The following CEP112 variants were observed in gnomAD, a reference collection of about 807,000 sequenced individuals.
CEP112 encodes centrosomal protein of 112 kDa.
In CEP112, 127 loss-of-function variants were observed where a neutral mutation model predicts 153.0. That is an observed-to-expected ratio of 0.83 (90% CI 0.72 to 0.96). The LOEUF (loss-of-function observed/expected upper bound fraction) is 0.96, where lower values mean the gene tolerates loss of function less well. Ranked by LOEUF, CEP112 falls within the 40% of genes least tolerant of loss-of-function variation. CEP112 has a pLI of 0.00. For synonymous variants in CEP112, 358 were observed against 374.4 expected (o/e 0.96, Z 0.51); for missense variants, 1,089 against 1,101.2 (o/e 0.99, Z 0.16).
intron 12 of CEP112, among the ~76,000 whole-genome samples, chr17:66,048,169 T>A (rs576865173): frequency 2.0e-5 from 3 of 152,010 alleles, no homozygotes; most frequent in Non-Finnish European, 4.4e-5. Context: ...AACCGATAGA[T>A]CCAGACAGCT....
chr17:66,026,277 C>G (rs1380335160), intron 16 of CEP112, among the ~76,000 whole-genome samples: 1 of 152,050 alleles, frequency 6.6e-6, no homozygotes, highest in East Asian at 1.9e-4. Flanking sequence ...TACATTCACA[C>G]AAAAATTTTA....
At chr17:65,965,138 A>G (rs1385876348) in intron 17 of CEP112, among the ~76,000 whole-genome samples, 1 of 152,176 alleles carries the variant, frequency 6.6e-6, no homozygotes, top group Non-Finnish European at 1.5e-5. Context: ...TCCCTATAAC[A>G]TGTCATTCTT....
chr17:65,643,305 T>A (rs1299025215), intron 24 of CEP112, among the ~76,000 whole-genome samples: 1 of 152,072 alleles, frequency 6.6e-6, no homozygotes, highest in Non-Finnish European at 1.5e-5. Flanking sequence ...CTGGTATTTT[T>A]TTTTTCTTTT....
chr17:65,756,719 G>A (rs188400214), intron 21 of CEP112, among the ~76,000 whole-genome samples: 66 of 152,252 alleles, frequency 4.3e-4, no homozygotes, highest in African/African-American at 1.3e-3. Context: ...CCCAAGAAGC[G>A]GGTGAATAGA....
chr17:65,875,237 A>G (rs2058786141), intron 20 of CEP112, among the ~76,000 whole-genome samples: 1 of 152,142 alleles, frequency 6.6e-6, no homozygotes, highest in South Asian at 2.1e-4. Flanking sequence ...ACATATCAGG[A>G]AAGTTGACAC....
intron 17 of CEP112, among the ~76,000 whole-genome samples, chr17:65,965,742 A>G (rs7220173): frequency 0.48 from 72,827 of 151,644 alleles, 18,480 homozygotes; most frequent in East Asian, 0.89. Context: ...GGCTGGTCTC[A>G]AACTCCTGGA....
chr17:65,858,951 A>T (rs761042579), intron 20 of CEP112, among the ~76,000 whole-genome samples: 37 of 152,230 alleles, frequency 2.4e-4, no homozygotes, highest in Non-Finnish European at 5.0e-4. Flanking sequence ...CACCCAAAAT[A>T]GTACCAATGT....
chr17:66,058,537 T>C (rs2066797024), intron 11 of CEP112, among the ~76,000 whole-genome samples: 2 of 151,992 alleles, frequency 1.3e-5, no homozygotes, highest in Non-Finnish European at 1.5e-5. Context: ...AGAGCCTGAA[T>C]AGTTAAAGCA....
At chr17:66,154,136 G>A (rs1398180492) in intron 4 of CEP112, among the ~76,000 whole-genome samples, 3 of 151,942 alleles carry the variant, frequency 2.0e-5, no homozygotes, top group South Asian at 2.1e-4. Flanking sequence ...CCAAGATCAC[G>A]CCACTGCACT....
chr17:65,884,229 G>A lies in CEP112; in HGVS notation c.2163+17923C>T, dbSNP rs114688034. Among the ~76,000 whole-genome samples, 290 of 152,320 alleles carry A rather than the reference G, an allele frequency of 1.9e-3. 3 individuals are homozygous for A. Among genetic ancestry groups the A allele is most frequent in the South Asian group, 8.3e-3 (40 of 4,828 alleles). ...GCTAGTGGAGAAAACAGAAACTAAC[G>A]TGGAGAAGTAGAAGTGGAAGAAGCA... On this transcript the variant is annotated intron_variant, in intron 20 of 26. Coordinates refer to ENST00000535342, the MANE Select transcript of CEP112 (RefSeq NM_001199165.4).
At chr17:66,064,274 T>G (rs2067032363) in intron 10 of CEP112, among the ~76,000 whole-genome samples, 1 of 152,190 alleles carries the variant, frequency 6.6e-6, no homozygotes, top group African/African-American at 2.4e-5. Context: ...AAGGAACCCC[T>G]CCTTTCAATA....
chr17:66,186,063 T>C (rs1227361115), intron 1 of CEP112, among the ~76,000 whole-genome samples: 2 of 151,716 alleles, frequency 1.3e-5, no homozygotes, highest in African/African-American at 2.4e-5. Flanking sequence ...CGCTCTCTCA[T>C]GCATCCTCTG....
intron 20 of CEP112, among the ~76,000 whole-genome samples, chr17:65,860,992 A>G (rs1352625683): frequency 6.6e-6 from 1 of 152,230 alleles, no homozygotes; most frequent in Non-Finnish European, 1.5e-5. Flanking sequence ...TGAGTGAAGG[A>G]AGCCAGTCAC....
chr17:65,709,524 C>T (rs1200946968), intron 23 of CEP112, among the ~76,000 whole-genome samples: 7 of 152,256 alleles, frequency 4.6e-5, no homozygotes, highest in Middle Eastern at 3.4e-3. Context: ...CCATGAGAAC[C>T]GTATGGGGGA....
intron 6 of CEP112, among the ~76,000 whole-genome samples, chr17:66,124,661 A>G (rs1006731095): frequency 3.7e-4 from 56 of 152,126 alleles, no homozygotes; most frequent in African/African-American, 1.3e-3. Flanking sequence ...CATGCCTGCT[A>G]CACAATCCCT....
chr17:65,699,807 C>T (rs1163129109), intron 23 of CEP112, among the ~76,000 whole-genome samples: 1 of 152,112 alleles, frequency 6.6e-6, no homozygotes, highest in Admixed American at 6.5e-5. Context: ...TTGTTGGCCA[C>T]ATTTCTCAAG....
intron 23 of CEP112, among the ~76,000 whole-genome samples, chr17:65,695,010 T>C (rs1317409942): frequency 1.3e-5 from 2 of 152,228 alleles, no homozygotes; most frequent in African/African-American, 4.8e-5. Context: ...TTAACTGGCA[T>C]CATTACTGAA....
At chr17:66,165,009 G>T (rs1415961462) in intron 4 of CEP112, among the ~76,000 whole-genome samples, 2 of 148,798 alleles carry the variant, frequency 1.3e-5, no homozygotes, top group East Asian at 4.0e-4. Context: ...GTTGATCATG[G>T]GTGATCATCA....
At chr17:66,063,698 AGTTATGCCCAGGCTTACAAAC>A (rs2067009966) in intron 10 of CEP112, among the ~76,000 whole-genome samples, 4 of 152,160 alleles carry the variant, frequency 2.6e-5, no homozygotes, top group Non-Finnish European at 5.9e-5. Context: ...CAAATCTGGT[AGTTATGCCCAGGCTTACAAAC>A]GTTCTACAGC....
Sources: allele counts gnomAD v4.1 joint callset (sites outside exome capture counted in the v4.1 genomes callset), GRCh38; gene constraint gnomAD v4.1.1; transcripts MANE v1.5; gene names NCBI Gene and HGNC (gene_info 2026-07-23, HGNC 2026-07-21).